The following ZNF260 variants were observed in gnomAD, a reference collection of about 807,000 sequenced individuals.
The protein encoded by ZNF260 is zinc finger protein 260, also known as zfp-260.
A neutral mutation model predicts 29.3 loss-of-function variants in ZNF260; 21 were observed. The observed-to-expected ratio is 0.72, with a 90% CI of 0.51 to 1.03. The LOEUF is 1.03. Ranked by LOEUF, ZNF260 falls within the 50% of genes least tolerant of loss-of-function variation. ZNF260 has a pLI of 0.00. For missense variants in ZNF260, 465 were observed against 487.8 expected (o/e 0.95, Z 0.44); for synonymous variants, 156 against 156.8 (o/e 0.99, Z 0.04).
chr19:36,514,866 T>C lies in ZNF260; in HGVS notation c.373A>G (p.Arg125Gly), dbSNP rs2034520257. 3.1e-6 allele frequency: 5 copies of C among 1,614,148 alleles called. No homozygotes were observed. The East Asian group carries it at 1.1e-4, about 36-fold the overall frequency. ...GTTCCTGTATGATTTTTCTGGTGTC[T>C]GATGATGGTTGGCATCTGAATAGAA... Reference protein sequence around the residue: ...KVSIQMPTIIRHQKNHTGTKP... With the variant: ...KVSIQMPTIIGHQKNHTGTKP... The change falls in exon 3 of 3, where the codon AGA becomes GGA. Residue 125 changes from arginine (R) to glycine (G), a missense_variant. Coordinates refer to ENST00000523638, the MANE Select transcript of ZNF260 (RefSeq NM_001166037.2).
In ZNF260 at chr19:36,515,049, A is replaced by G; in HGVS notation, c.190T>C (p.Cys64Arg). 1 of 1,614,120 alleles carries G rather than the reference A, an allele frequency of 6.2e-7. No individual in the cohort carries two copies. The highest frequency in any genetic ancestry group is 8.5e-7 in the Non-Finnish European group (1 of 1,180,022). ...AGAGTAAGAGATGAGACTCGAGAGCACACTTTACCACATTCAGTGCATTCA... is the reference window on the plus strand; with the variant it reads ...AGAGTAAGAGATGAGACTCGAGAGCGCACTTTACCACATTCAGTGCATTCA... Reference protein sequence around the residue: ...SHECTECGKVCSRVSSLTLHL... With the variant: ...SHECTECGKVRSRVSSLTLHL... The change falls in exon 3 of 3, where the codon TGC becomes CGC. Residue 64 changes from cysteine (C) to arginine (R), a missense_variant. Cys to Arg is a radical substitution (Grantham distance 180, BLOSUM62 -3). Transcript: ENST00000523638.
At position 36,515,076 on chromosome 19, in the gene ZNF260, G is replaced by T; in HGVS notation, c.163C>A (p.His55Asn). ...ACTTTACCACATTCAGTGCATTCATGAGATTTCTCTCCAGTATGCATTTTC... is the reference window on the plus strand; with the variant it reads ...ACTTTACCACATTCAGTGCATTCATTAGATTTCTCTCCAGTATGCATTTTC... ...HKKMHTGEKS[H>N]ECTECGKVCS... The change falls in exon 3 of 3, where the codon CAT (histidine) becomes AAT (asparagine). Residue 55 changes from histidine (H) to asparagine (N), a missense_variant. Physicochemically the swap from His to Asn is moderately conservative, Grantham distance 68. Transcript: ENST00000523638. 6.2e-7 allele frequency: 1 copy of T among 1,614,066 alleles called. No individual in the cohort carries two copies. Among genetic ancestry groups the T allele is most frequent in the African/African-American group, 1.3e-5 (1 of 75,036 alleles).
intron 2 of ZNF260, chr19:36,518,117 C>G (rs1379666305): frequency 6.6e-6 from 1 of 152,040 alleles, no homozygotes. Flanking sequence ...CCATGAGCCA[C>G]CGCACCCGGC....
At chr19:36,525,439 C>T (rs1029307292) in intron 1 of ZNF260, 66 bp from the exon 2 acceptor site, 9 of 152,130 alleles carry the variant, frequency 5.9e-5, no homozygotes, top group African/African-American at 2.2e-4. Flanking sequence ...AATGGAAAAA[C>T]AGTATTTGTA....
Position 36,515,227 on chromosome 19 carries a change from C to T in ZNF260, c.12G>A (p.Met4Ile). 6.4e-7 allele frequency: 1 copy of T among 1,559,936 alleles called. No homozygotes were observed. Among genetic ancestry groups the T allele is most frequent in the Non-Finnish European group, 8.7e-7 (1 of 1,153,668 alleles). ...CTGATTCATGCTGAAGACTTTCCAA[C>T]ATGCCTATCATGCATGTGAATTTAA... MIGMLESLQHESDL... is the reference protein window; with the variant it reads MIGILESLQHESDL... The change falls in exon 3 of 3, where the codon ATG (methionine) becomes ATA (isoleucine). Residue 4 changes from methionine (M) to isoleucine (I), a missense_variant. Met to Ile is a conservative substitution (Grantham distance 10). Coordinates refer to ENST00000523638, the MANE Select transcript of ZNF260 (RefSeq NM_001166037.2).
chr19:36,514,289 G>T lies in ZNF260; in HGVS notation c.950C>A (p.Thr317Lys). 6.2e-7 allele frequency: 1 copy of T among 1,614,122 alleles called. No homozygotes were observed. Among genetic ancestry groups the T allele is most frequent in the Non-Finnish European group, 8.5e-7 (1 of 1,179,988 alleles). ...NKCGKAFSRI[T>K]SLIVHVRIHT... ...AATTCTCACATGTACAATAAGTGAT[G>T]TGATTCGAGAGAAGGCTTTTCCACA... The change falls in exon 3 of 3, where the codon ACA (threonine) becomes AAA (lysine). Residue 317 changes from threonine (T) to lysine (K), a missense_variant. Transcript: ENST00000523638.
At position 36,510,730 on chromosome 19, in the gene ZNF260, T is replaced by C. The variant is rs1439665122; in HGVS notation, c.*3270A>G. 6.6e-6 allele frequency: 1 copy of C among 152,222 alleles called. No individual in the cohort carries two copies. The highest frequency in any genetic ancestry group is 2.4e-5 in the African/African-American group (1 of 41,456). The allele number at this position is 152,222 out of a possible 1,614,324, so 9.4% of individuals were successfully genotyped here. A position where few individuals can be genotyped will look rare whatever the true frequency, so the allele number is the denominator to read the frequency against. On this transcript the variant is annotated 3_prime_UTR_variant, in exon 3 of 3. Transcript: ENST00000523638. ...ATTTTTATTGTACCATTTCTTATGG[T>C]GGCAAATAAGCAAACTGTGAGTAAA...
chr19:36,512,269 T>C lies in ZNF260; in HGVS notation c.*1731A>G, dbSNP rs1279450250. ...AGAAATATCTTCTACAGAATATTAG[T>C]ATCTGACTAGGAATGTAAGTCCATT... On this transcript the variant is annotated 3_prime_UTR_variant, in exon 3 of 3. Coordinates refer to ENST00000523638, the MANE Select transcript of ZNF260 (RefSeq NM_001166037.2). The C allele has an allele frequency of 6.6e-6, 1 of 152,202 alleles. No homozygotes were observed. Among genetic ancestry groups the C allele is most frequent in the Non-Finnish European group, 1.5e-5 (1 of 68,030 alleles). 9.4% of individuals were successfully genotyped at this position (152,202 alleles called of 1,614,324 possible).
At chr19:36,519,104 C>T (rs1211677218) in intron 2 of ZNF260, among the ~76,000 whole-genome samples, 4 of 151,944 alleles carry the variant, frequency 2.6e-5, no homozygotes, top group African/African-American at 9.7e-5. Context: ...AGACATACCA[C>T]ATCAAAAAGG....
In ZNF260 at chr19:36,512,839, C is replaced by G. The variant is rs1445746396; in HGVS notation, c.*1161G>C. 1 of 152,168 alleles carries G rather than the reference C, an allele frequency of 6.6e-6. No homozygotes were observed. Among genetic ancestry groups the G allele is most frequent in the Non-Finnish European group, 1.5e-5 (1 of 68,018 alleles). 9.4% of individuals were successfully genotyped at this position (152,168 alleles called of 1,614,324 possible). On this transcript the variant is annotated 3_prime_UTR_variant, in exon 3 of 3. Transcript: ENST00000523638. ...GTTTCCCAACTTCTGGCTACTATAA[C>G]TCATGGTGCAATGAACTATACAGCT...
Position 36,519,115 on chromosome 19 carries a change from C to A in ZNF260, c.-461-3416G>T, listed in dbSNP as rs1418317919. ...AAAAAGACATACCACATCAAAAAGGCATCAGATTGCAAGACAATGGATAAT... is the reference window on the plus strand; with the variant it reads ...AAAAAGACATACCACATCAAAAAGGAATCAGATTGCAAGACAATGGATAAT... On this transcript the variant is annotated intron_variant, in intron 2 of 2. Transcript: ENST00000523638. Among the ~76,000 whole-genome samples, 10 of 152,190 alleles carry A rather than the reference C, an allele frequency of 6.6e-5. No individual in the cohort carries two copies. In the South Asian group the frequency reaches 1.7e-3, roughly 25 times the overall value.
intron 2 of ZNF260, among the ~76,000 whole-genome samples, chr19:36,522,423 TCTGGCCTAGGCAA>T (rs2034661559): frequency 6.6e-6 from 1 of 151,922 alleles, no homozygotes; most frequent in African/African-American, 2.4e-5. Flanking sequence ...ACCATTGCAC[TCTGGCCTAGGCAA>T]CAAGAGTGAA....
At position 36,525,196 on chromosome 19, in the gene ZNF260, T is replaced by C. The variant is rs973498366; in HGVS notation, c.-503A>G. ...CACACAAAGAGAACCTTCTTTACAT[T>C]TCTTTCTCAATCATCTGTTGCTGTT... On this transcript the variant is annotated 5_prime_UTR_variant, in exon 2 of 3. Coordinates refer to ENST00000523638, the MANE Select transcript of ZNF260 (RefSeq NM_001166037.2). 1 of 152,222 alleles carries C rather than the reference T, an allele frequency of 6.6e-6. No homozygotes were observed. The highest frequency in any genetic ancestry group is 2.4e-5 in the African/African-American group (1 of 41,462). The allele number at this position is 152,222 out of a possible 1,614,324, so 9.4% of individuals were successfully genotyped here. A position where few individuals can be genotyped will look rare whatever the true frequency, so the allele number is the denominator to read the frequency against.
chr19:36,525,954 T>C (rs1190205126), intron 1 of ZNF260, among the ~76,000 whole-genome samples: 2 of 152,212 alleles, frequency 1.3e-5, no homozygotes, highest in East Asian at 3.9e-4. Context: ...ACTTGTGACC[T>C]TGCTCCTGAG....
chr19:36,514,861 G>A lies in ZNF260; in HGVS notation c.378C>T (p.His126=). The A allele has an allele frequency of 6.2e-7, 1 of 1,614,002 alleles. No individual in the cohort carries two copies. The part of the protein sequence containing the change: ...VSIQMPTIIR[H]QKNHTGTKPY... ...GTTTGGTTCCTGTATGATTTTTCTGGTGTCTGATGATGGTTGGCATCTGAA... is the reference window on the plus strand; with the variant it reads ...GTTTGGTTCCTGTATGATTTTTCTGATGTCTGATGATGGTTGGCATCTGAA... Residue 126 remains histidine, a synonymous_variant, in exon 3 of 3, where the codon CAC becomes CAT. Transcript: ENST00000523638.
chr19:36,527,814 T>TA (rs775520837), intron 1 of ZNF260, among the ~76,000 whole-genome samples: 10 of 152,296 alleles, frequency 6.6e-5, no homozygotes, highest in South Asian at 2.1e-4. Flanking sequence ...TGCTTTTATA[T>TA]AAAAAATCAC....
intron 2 of ZNF260, among the ~76,000 whole-genome samples, chr19:36,519,800 G>A (rs2034611059): frequency 6.6e-6 from 1 of 151,840 alleles, no homozygotes; most frequent in Admixed American, 6.6e-5. Context: ...CTTTGGCCAG[G>A]GAAAATTAAT....
intron 2 of ZNF260, among the ~76,000 whole-genome samples, chr19:36,524,430 C>A (rs1330787609): frequency 2.0e-5 from 3 of 151,998 alleles, no homozygotes; most frequent in South Asian, 2.1e-4. Flanking sequence ...CCGCCAGCCT[C>A]GGCCTCCCAA....
chr19:36,518,564 CAGAA>C (rs1171494909), intron 2 of ZNF260, among the ~76,000 whole-genome samples: 37 of 152,034 alleles, frequency 2.4e-4, no homozygotes, highest in African/African-American at 6.8e-4. Flanking sequence ...TGGAGGAAGG[CAGAA>C]AGAAAGAGTG....
Sources: gnomAD v4.1 joint callset for allele counts (sites outside exome capture counted in the v4.1 genomes callset) on GRCh38, gnomAD v4.1.1 for gene constraint, MANE v1.5 for transcripts, NCBI Gene and HGNC (gene_info 2026-07-23, HGNC 2026-07-21) for gene names.